Variants in WDR72 observed in about 807,000 individuals in gnomAD.
WDR72 encodes WD repeat-containing protein 72.
Under a neutral mutation model 124.2 loss-of-function variants are expected in WDR72, and 120 were observed. That is an observed-to-expected ratio of 0.97 (90% CI 0.83 to 1.12). WDR72 has a LOEUF of 1.12. WDR72 is among the 50% of genes most tolerant of loss of function. WDR72 has a pLI of 0.00. For synonymous variants in WDR72, 452 were observed against 441.7 expected, an observed-to-expected ratio of 1.02 and a Z score of -0.29; for missense variants, 1,387 against 1,278.8, an observed-to-expected ratio of 1.08 and a Z score of -1.29.
Position 53,734,818 on chromosome 15 carries a change from A to T in WDR72, c.-12-1657T>A, listed in dbSNP as rs1022270607. 8.8e-4 allele frequency among the ~76,000 whole-genome samples: 101 copies of T among 115,124 alleles called. 1 individual carries two copies. The highest frequency in any genetic ancestry group is 8.2e-3 in the Middle Eastern group (2 of 244). The allele number at this position is 115,124 out of a possible 152,430, so 75.5% of individuals were successfully genotyped here. On this transcript the variant is annotated intron_variant, in intron 1 of 19. Transcript: ENST00000360509. ...CAAATGGGTTGGGACTAAAAAAAAA[A>T]AATAATAATATTATATATAATTCCG...
At chr15:53,567,091 A>C (rs1388475130) in intron 18 of WDR72, among the ~76,000 whole-genome samples, 1 of 151,974 alleles carries the variant, frequency 6.6e-6, no homozygotes, top group Non-Finnish European at 1.5e-5. Flanking sequence ...GGAGAGCTGC[A>C]CTCAATGGCA....
At chr15:53,754,347 T>G (rs2018846523) in intron 1 of WDR72, among the ~76,000 whole-genome samples, 1 of 152,108 alleles carries the variant, frequency 6.6e-6, no homozygotes, top group South Asian at 2.1e-4. Context: ...CAATGCAGTT[T>G]ATGACATAAG....
intron 14 of WDR72, among the ~76,000 whole-genome samples, chr15:53,655,787 G>A (rs570476818): frequency 8.5e-5 from 13 of 152,172 alleles, no homozygotes; most frequent in African/African-American, 2.9e-4. Context: ...CTGCCTCCCA[G>A]GTTCAAGCAA....
At chr15:53,636,013 G>C (rs886895152) in intron 14 of WDR72, among the ~76,000 whole-genome samples, 1 of 152,070 alleles carries the variant, frequency 6.6e-6, no homozygotes, top group Non-Finnish European at 1.5e-5. Context: ...CTGGGAATAC[G>C]ATTCATCCTC....
intron 14 of WDR72, among the ~76,000 whole-genome samples, chr15:53,624,025 G>T (rs2014111432): frequency 6.6e-6 from 1 of 152,044 alleles, no homozygotes; most frequent in Non-Finnish European, 1.5e-5. Context: ...CATTTTTAAT[G>T]GAGTTATTTT....
At chr15:53,663,131 G>A (rs1354740281) in intron 14 of WDR72, among the ~76,000 whole-genome samples, 1 of 150,024 alleles carries the variant, frequency 6.7e-6, no homozygotes, top group African/African-American at 2.5e-5. Context: ...AATCTCAACA[G>A]CCTAACTCTA....
chr15:53,515,042 T>C lies in WDR72; in HGVS notation c.*2657A>G, dbSNP rs568004268. ...ATATATATACACACATATATATGTG[T>C]ATATATATGTGTGTATATATATACA... On this transcript the variant is annotated 3_prime_UTR_variant, in exon 20 of 20. Transcript: ENST00000360509. The C allele has an allele frequency of 8.9e-4, 112 of 126,344 alleles. No individual in the cohort carries two copies. The highest frequency in any genetic ancestry group is 2.7e-3 in the African/African-American group (103 of 38,860). 7.8% of individuals were successfully genotyped at this position (126,344 alleles called of 1,614,324 possible).
intron 18 of WDR72, among the ~76,000 whole-genome samples, chr15:53,527,493 C>A (rs1595730577): frequency 6.6e-6 from 1 of 152,124 alleles, no homozygotes; most frequent in African/African-American, 2.4e-5. Flanking sequence ...TGCTGTTGGA[C>A]AGATGGAGCC....
At chr15:53,697,164 A>C (rs2140514408) in intron 13 of WDR72, among the ~76,000 whole-genome samples, 1 of 152,360 alleles carries the variant, frequency 6.6e-6, no homozygotes, top group South Asian at 2.1e-4. Flanking sequence ...TTTATAGAAA[A>C]TAGTATAGAT....
intron 18 of WDR72, among the ~76,000 whole-genome samples, chr15:53,563,147 A>AC (rs1894182712): frequency 1.3e-5 from 2 of 151,930 alleles, no homozygotes; most frequent in Admixed American, 1.3e-4. Context: ...AGCTAGAAAA[A>AC]TGGTCCTAAT....
At chr15:53,634,171 C>A (rs4776164) in intron 14 of WDR72, among the ~76,000 whole-genome samples, 2 of 151,944 alleles carry the variant, frequency 1.3e-5, no homozygotes, top group Admixed American at 1.3e-4. Flanking sequence ...TTAAAATAAC[C>A]TGGACATAAA....
chr15:53,693,402 C>T (rs1303111020), intron 13 of WDR72, among the ~76,000 whole-genome samples: 1 of 152,132 alleles, frequency 6.6e-6, no homozygotes, highest in African/African-American at 2.4e-5. Context: ...GTGTCTTGCA[C>T]ATATTCTACA....
intron 4 of WDR72, 67 bp downstream of exon 4, chr15:53,716,540 G>C (rs1220123066): frequency 2.0e-6 from 2 of 1,013,496 alleles, no homozygotes; most frequent in African/African-American, 3.1e-5. Flanking sequence ...CTTTAGAAGT[G>C]TATTTGCAAA....
At chr15:53,672,330 A>C (rs982178025) in intron 13 of WDR72, among the ~76,000 whole-genome samples, 7 of 130,146 alleles carry the variant, frequency 5.4e-5, no homozygotes, top group Admixed American at 1.5e-4. Context: ...AAAAAAAGCC[A>C]CTCCAAGTGA....
chr15:53,523,750 A>G (rs1891949942), intron 18 of WDR72, among the ~76,000 whole-genome samples: 1 of 152,098 alleles, frequency 6.6e-6, no homozygotes, highest in Non-Finnish European at 1.5e-5. Context: ...ATCACAGCTA[A>G]TGAACATTTT....
intron 18 of WDR72, among the ~76,000 whole-genome samples, chr15:53,544,580 C>T (rs988481578): frequency 0.011 from 1,616 of 148,980 alleles, 34 homozygotes; most frequent in African/African-American, 0.038. Flanking sequence ...AAACTGGAAG[C>T]ATTCCCTTTG....
intron 1 of WDR72, among the ~76,000 whole-genome samples, chr15:53,751,240 TAA>T (rs34813862): frequency 1.4e-5 from 2 of 143,146 alleles, no homozygotes; most frequent in Admixed American, 7.0e-5. Flanking sequence ...GAGACTACTT[TAA>T]AAAAAAAAAA....
intron 14 of WDR72, among the ~76,000 whole-genome samples, chr15:53,620,901 C>T (rs1433307198): frequency 6.6e-6 from 1 of 151,984 alleles, no homozygotes; most frequent in Admixed American, 6.6e-5. Flanking sequence ...ATCTATATGT[C>T]TAACAAAGGA....
intron 16 of WDR72, 86 bp from the exon 17 acceptor site, chr15:53,609,678 T>A: frequency 1.8e-6 from 2 of 1,137,698 alleles, no homozygotes; most frequent in Non-Finnish European, 2.6e-6. Flanking sequence ...TAGAATCACC[T>A]GGGAAGCTTT....
Sources: gnomAD v4.1 joint callset for allele counts (sites outside exome capture counted in the v4.1 genomes callset) on GRCh38, gnomAD v4.1.1 for gene constraint, MANE v1.5 for transcripts, NCBI Gene and HGNC (gene_info 2026-07-23, HGNC 2026-07-21) for gene names.